NEDD4L: variants seen among roughly 807,000 people sequenced by gnomAD.
The protein encoded by NEDD4L is NEDD4 like E3 ubiquitin protein ligase.
A neutral mutation model predicts 148.9 loss-of-function variants in NEDD4L; 54 were observed. The ratio of observed to expected loss-of-function variants is 0.36; its 90% CI spans 0.29 to 0.45. The LOEUF is 0.45. Among genes scored for constraint, NEDD4L ranks in the 20% least tolerant of loss-of-function variants. The pLI is 1.00. For missense variants in NEDD4L, 856 were observed against 1,233.8 expected, an observed-to-expected ratio of 0.69 and a Z score of 4.59; for synonymous variants, 433 against 440.7, an observed-to-expected ratio of 0.98 and a Z score of 0.22.
chr18:58,207,349 C>T (rs759310769), intron 2 of NEDD4L, among the ~76,000 whole-genome samples: 5 of 150,980 alleles, frequency 3.3e-5, no homozygotes, highest in South Asian at 2.1e-4. Flanking sequence ...TTGGAAACAG[C>T]GCTTGTTTAT....
At position 58,343,031 on chromosome 18, in the gene NEDD4L, C is replaced by T. The variant is rs762582531; in HGVS notation, c.1503C>T (p.Pro501=). The change falls in exon 16 of 31, where the codon CCC becomes CCT. Residue 501 remains proline (P), a synonymous_variant. Transcript: ENST00000400345. ...QHKVTQSFLP[P]GWEMRIAPNG... ...AAGTCACACAGAGCTTCTTGCCACC[C>T]GGCTGGGAAATGAGGATAGCGCCAA... 1.1e-5 allele frequency: 18 copies of T among 1,613,520 alleles called. No homozygotes were observed. Among genetic ancestry groups the T allele is most frequent in the Admixed American group, 1.0e-4 (6 of 59,986 alleles).
intron 1 of NEDD4L, among the ~76,000 whole-genome samples, chr18:58,059,910 A>G (rs1003192977): frequency 4.6e-5 from 7 of 152,194 alleles, no homozygotes; most frequent in Non-Finnish European, 1.0e-4. Flanking sequence ...TAAAATAAAC[A>G]TTTAGAAAAA....
At chr18:58,299,955 C>T (rs1180430365) in intron 5 of NEDD4L, among the ~76,000 whole-genome samples, 1 of 151,982 alleles carries the variant, frequency 6.6e-6, no homozygotes, top group Non-Finnish European at 1.5e-5. Context: ...AATGTCTGGG[C>T]AAGATTTTTA....
chr18:58,345,613 T>C (rs1366362937), intron 16 of NEDD4L, among the ~76,000 whole-genome samples: 1 of 152,200 alleles, frequency 6.6e-6, no homozygotes, highest in Non-Finnish European at 1.5e-5. Context: ...ATTTCCCCTC[T>C]ATACATTGAG....
At chr18:58,068,486 A>G (rs1357377165) in intron 1 of NEDD4L, among the ~76,000 whole-genome samples, 1 of 152,208 alleles carries the variant, frequency 6.6e-6, no homozygotes, top group Non-Finnish European at 1.5e-5. Context: ...GGCATGAGCC[A>G]CCGCTCACAG....
intron 2 of NEDD4L, among the ~76,000 whole-genome samples, chr18:58,207,522 G>A (rs1213982357): frequency 6.6e-6 from 1 of 152,032 alleles, no homozygotes; most frequent in Non-Finnish European, 1.5e-5. Context: ...ATATATGAAG[G>A]TACTTGGGCT....
At chr18:58,134,197 C>T (rs10083983) in intron 1 of NEDD4L, among the ~76,000 whole-genome samples, 37,363 of 150,296 alleles carry the variant, frequency 0.25, 5,587 homozygotes, top group Non-Finnish European at 0.35. Flanking sequence ...GACGGGGTTT[C>T]ACCATGTTGG....
At chr18:58,183,048 A>G (rs935132447) in intron 2 of NEDD4L, among the ~76,000 whole-genome samples, 2 of 152,170 alleles carry the variant, frequency 1.3e-5, no homozygotes, top group African/African-American at 2.4e-5. Context: ...TTCAGGTTGT[A>G]TGGGAGAAGT....
chr18:58,168,704 G>A (rs79942873), intron 2 of NEDD4L, among the ~76,000 whole-genome samples: 1,733 of 152,324 alleles, frequency 0.011, 31 homozygotes, highest in African/African-American at 0.039. Flanking sequence ...CAAGAAGGCC[G>A]GGTAGGCATT....
intron 1 of NEDD4L, among the ~76,000 whole-genome samples, chr18:58,058,932 C>T (rs577432094): frequency 2.6e-5 from 4 of 152,206 alleles, no homozygotes; most frequent in Non-Finnish European, 5.9e-5. Flanking sequence ...TCTCCAGTCC[C>T]AAGCACCGAA....
At chr18:58,321,070 C>T (rs967366880) in intron 6 of NEDD4L, among the ~76,000 whole-genome samples, 4 of 152,160 alleles carry the variant, frequency 2.6e-5, no homozygotes, top group Non-Finnish European at 5.9e-5. Flanking sequence ...ACGTGAGTAC[C>T]TACTTGGTGC....
chr18:58,263,660 C>CTTTTTT (rs71173041), intron 5 of NEDD4L, among the ~76,000 whole-genome samples: 128 of 103,540 alleles, frequency 1.2e-3, no homozygotes, highest in Middle Eastern at 5.4e-3. Context: ...ACTTCTTAGG[C>CTTTTTT]TTTTTTTTTT....
At chr18:58,191,402 C>T (rs1050520182) in intron 2 of NEDD4L, among the ~76,000 whole-genome samples, 7 of 152,238 alleles carry the variant, frequency 4.6e-5, no homozygotes, top group Non-Finnish European at 7.4e-5. Flanking sequence ...GTGTTACAGT[C>T]GGTTAATGAA....
intron 1 of NEDD4L, among the ~76,000 whole-genome samples, chr18:58,118,252 C>T (rs533202326): frequency 3.3e-5 from 5 of 152,216 alleles, no homozygotes; most frequent in South Asian, 2.1e-4. Context: ...CGTATCCTGC[C>T]GGATTCTGGT....
At chr18:58,138,462 C>T (rs1452824706) in intron 1 of NEDD4L, among the ~76,000 whole-genome samples, 1 of 151,164 alleles carries the variant, frequency 6.6e-6, no homozygotes, top group Non-Finnish European at 1.5e-5. Context: ...GCCTGAAAGA[C>T]AAGCCATTTT....
At position 58,396,310 on chromosome 18, in the gene NEDD4L, C is replaced by A; in HGVS notation, c.*41C>A. The A allele has an allele frequency of 7.4e-7, 1 of 1,357,178 alleles. No individual in the cohort carries two copies. The highest frequency in any genetic ancestry group is 1.0e-6 in the Non-Finnish European group (1 of 956,020). 84.1% of individuals were successfully genotyped at this position (1,357,178 alleles called of 1,614,324 possible). A position where few individuals can be genotyped will look rare whatever the true frequency, so the allele number is the denominator to read the frequency against. On this transcript the variant is annotated 3_prime_UTR_variant, in exon 31 of 31. Coordinates refer to ENST00000400345, the MANE Select transcript of NEDD4L (RefSeq NM_001144967.3). ...GGGGTGGTTGTTCTTCAAGCAAGTT[C>A]TGCTTGCACTTTTGCATTTGCCTAA...
chr18:58,144,331 C>G (rs116820346), intron 1 of NEDD4L, among the ~76,000 whole-genome samples: 6,787 of 152,044 alleles, frequency 0.045, 488 homozygotes, highest in African/African-American at 0.15. Context: ...GAAGGGGGAG[C>G]AGGCATCTCA....
intron 5 of NEDD4L, among the ~76,000 whole-genome samples, chr18:58,270,385 C>T (rs1307519695): frequency 6.6e-6 from 1 of 152,214 alleles, no homozygotes; most frequent in Non-Finnish European, 1.5e-5. Flanking sequence ...CACCAGCTCC[C>T]CCAGCACAGG....
At chr18:58,078,013 G>A (rs909553820) in intron 1 of NEDD4L, among the ~76,000 whole-genome samples, 1 of 62,346 alleles carries the variant, frequency 1.6e-5, no homozygotes, top group African/African-American at 7.5e-5. Flanking sequence ...GCTGAGAAAC[G>A]TATTTTTTTT....
Sources: allele counts gnomAD v4.1 joint callset (sites outside exome capture counted in the v4.1 genomes callset), GRCh38; gene constraint gnomAD v4.1.1; transcripts MANE v1.5; gene names NCBI Gene and HGNC (gene_info 2026-07-23, HGNC 2026-07-21).